Variants in SLC36A1 observed in about 807,000 individuals in gnomAD.
The protein encoded by SLC36A1 is proton-coupled amino acid transporter 1.
SLC36A1 carries 30 observed loss-of-function variants against 47.5 expected under a neutral mutation model. That is an observed-to-expected ratio of 0.63 (90% CI 0.47 to 0.86). SLC36A1 has a LOEUF of 0.86. SLC36A1 is among the 40% of genes least tolerant of loss of function. The probability of loss-of-function intolerance (pLI) is 0.00; values close to 1 mark genes in which losing one functional copy is unlikely to be tolerated. For synonymous variants in SLC36A1, 255 were observed against 249.7 expected (o/e 1.02, Z -0.20); for missense variants, 517 against 606.0 (o/e 0.85, Z 1.54).
chr5:151,512,631 T>G, the SLC36A1 span: 2 of 1,563,674 alleles, frequency 1.3e-6, no homozygotes, highest in Non-Finnish European at 1.7e-6. The surrounding 1 kb of genome is among the most constrained non-coding windows in gnomAD (Gnocchi z 4.1). Flanking sequence ...CAAACAGCCA[T>G]CAGCAAAGCC....
At chr5:151,521,789 C>T in the SLC36A1 span, 24 of 1,614,186 alleles carry the variant, frequency 1.5e-5, no homozygotes, top group Middle Eastern at 1.6e-4. Context: ...CTGACCGTGA[C>T]GTTGAACGAG....
chr5:151,352,140 A>C, the SLC36A1 span, among the ~76,000 whole-genome samples: 1 of 151,922 alleles, frequency 6.6e-6, no homozygotes, highest in Non-Finnish European at 1.5e-5. Context: ...TTAGGTCAAG[A>C]TTTTTCTGCT....
At chr5:151,467,352 T>A in intron 6 of SLC36A1, 69 bp downstream of exon 6, 9 of 1,117,234 alleles carry the variant, frequency 8.1e-6, no homozygotes, top group East Asian at 2.4e-5. Context: ...ATGATTGAAG[T>A]TTTTGTTTAG....
At position 151,491,519 on chromosome 5, in the gene SLC36A1, T is replaced by TC. The variant is rs3832373; in HGVS notation, c.*3265_*3266insC. On this transcript the variant is annotated 3_prime_UTR_variant, in exon 11 of 11. Transcript: ENST00000243389. ...TGTTTCTTCTCTCTCATCTTACTTTTTCTTCTCAGATTTCTCCCTTCCTAG... is the reference window on the plus strand; with the variant it reads ...TGTTTCTTCTCTCTCATCTTACTTTTCTCTTCTCAGATTTCTCCCTTCCTAG... The TC allele has an allele frequency of 0.51, 77,146 of 152,446 alleles. 22,237 individuals carry two copies. The highest frequency in any genetic ancestry group is 0.8 in the African/African-American group (33,306 of 41,458). The allele number at this position is 152,446 out of a possible 1,614,324, so 9.4% of individuals were successfully genotyped here. A position where few individuals can be genotyped will look rare whatever the true frequency, so the allele number is the denominator to read the frequency against.
chr5:151,553,184 G>T, the SLC36A1 span: 1 of 1,614,254 alleles, frequency 6.2e-7, no homozygotes, highest in Admixed American at 1.7e-5. Flanking sequence ...CACCTGAGAT[G>T]TTGAACCAGA....
chr5:151,387,836 A>G, the SLC36A1 span, among the ~76,000 whole-genome samples: 1 of 152,230 alleles, frequency 6.6e-6, no homozygotes, highest in Non-Finnish European at 1.5e-5. Flanking sequence ...TCTTGCGCAA[A>G]TTCCTATTTA....
the SLC36A1 span, among the ~76,000 whole-genome samples, chr5:151,535,024 C>T: frequency 8.9e-6 from 1 of 111,970 alleles, no homozygotes; most frequent in Non-Finnish European, 2.0e-5. Context: ...AAAAATCAAC[C>T]CAAAGATAAA....
At chr5:151,364,458 A>C in the SLC36A1 span, among the ~76,000 whole-genome samples, 1 of 152,230 alleles carries the variant, frequency 6.6e-6, no homozygotes, top group Non-Finnish European at 1.5e-5. Context: ...TGAGGGTTCC[A>C]GTTTCTCTAC....
chr5:151,462,553 C>T lies in SLC36A1; in HGVS notation c.144-1000C>T, dbSNP rs564697971. 7.9e-5 allele frequency among the ~76,000 whole-genome samples: 12 copies of T among 151,900 alleles called. 1 individual carries two copies. The East Asian group carries it at 1.8e-3, about 22-fold the overall frequency. On this transcript the variant is annotated intron_variant, in intron 2 of 10. Coordinates refer to ENST00000243389, the MANE Select transcript of SLC36A1 (RefSeq NM_078483.4). The stretch of plus-strand genomic sequence containing the variant: ...CTAATTTTTATATTTTTAGTAGAGA[C>T]GGGGTTTCACCATGTTGGCCAGGAT...
the SLC36A1 span, chr5:151,554,218 C>T: frequency 5.4e-6 from 4 of 736,372 alleles, no homozygotes; most frequent in Non-Finnish European, 8.7e-6. Flanking sequence ...GAAGCTGAGA[C>T]TCCCAGTTTC....
At chr5:151,503,452 G>A in the SLC36A1 span, among the ~76,000 whole-genome samples, 8 of 149,222 alleles carry the variant, frequency 5.4e-5, no homozygotes, top group African/African-American at 7.8e-5. Flanking sequence ...GTGCGACAGA[G>A]CTGGGCTTGG....
the SLC36A1 span, among the ~76,000 whole-genome samples, chr5:151,395,184 T>C: frequency 6.6e-6 from 1 of 152,220 alleles, no homozygotes; most frequent in African/African-American, 2.4e-5. Flanking sequence ...TGAGGCTCTG[T>C]GGGCGTGGGA....
upstream of SLC36A1, among the ~76,000 whole-genome samples, chr5:151,436,257 A>G (rs1363872298): frequency 6.6e-6 from 1 of 152,054 alleles, no homozygotes; most frequent in African/African-American, 2.4e-5. Context: ...TCCCTCACAT[A>G]CCCAATAACC....
chr5:151,351,069 C>T, the SLC36A1 span, among the ~76,000 whole-genome samples: 264 of 152,204 alleles, frequency 1.7e-3, no homozygotes, highest in African/African-American at 5.9e-3. Flanking sequence ...TTTAGGCAGG[C>T]GTGAGGATTA....
the SLC36A1 span, chr5:151,551,328 T>G: frequency 5.8e-6 from 5 of 859,034 alleles, no homozygotes; most frequent in Non-Finnish European, 9.1e-6. Context: ...GTAGAGAGTG[T>G]ATTAGACAAG....
Position 151,488,360 on chromosome 5 carries a change from G to A in SLC36A1, c.*106G>A. 1.4e-6 allele frequency: 2 copies of A among 1,414,134 alleles called. No homozygotes were observed. Among genetic ancestry groups the A allele is most frequent in the South Asian group, 2.8e-5 (2 of 71,060 alleles). 87.6% of individuals were successfully genotyped at this position (1,414,134 alleles called of 1,614,324 possible). ...CCAGGCTCTGAGGAAAGTCAGGGTT[G>A]CTGTGTGGGAACCCCTCTGCCTGGC... On this transcript the variant is annotated 3_prime_UTR_variant, in exon 11 of 11. Transcript: ENST00000243389.
the SLC36A1 span, among the ~76,000 whole-genome samples, chr5:151,498,195 T>G: frequency 0.033 from 4,954 of 152,170 alleles, 269 homozygotes; most frequent in African/African-American, 0.11. Context: ...TCCACCCACC[T>G]CGGCCTCCCA....
chr5:151,458,304 G>GTGTGTGTATATATATA lies in SLC36A1; in HGVS notation c.-5-483_-5-482insGTGTGTATATATATAT, dbSNP rs1175105944. ...TACGTGTATATATATACATACACGTGTATATACGTATATATATATATATAT... is the reference window on the plus strand; with the variant it reads ...TACGTGTATATATATACATACACGTGTGTGTGTATATATATATATATACGTATATATATATATATAT... On this transcript the variant is annotated intron_variant, in intron 1 of 10. Transcript: ENST00000243389. Among the ~76,000 whole-genome samples, 78 of 76,586 alleles carry GTGTGTGTATATATATA rather than the reference G, an allele frequency of 1.0e-3. 1 individual carries two copies. Among genetic ancestry groups the GTGTGTGTATATATATA allele is most frequent in the African/African-American group, 5.5e-3 (76 of 13,748 alleles). 50.2% of individuals were successfully genotyped at this position (76,586 alleles called of 152,430 possible).
chr5:151,527,541 G>A, the SLC36A1 span, among the ~76,000 whole-genome samples: 1 of 152,072 alleles, frequency 6.6e-6, no homozygotes, highest in Non-Finnish European at 1.5e-5. Flanking sequence ...TCTGGAGTCA[G>A]ACAGAAATAG....
Sources: gnomAD v4.1 joint callset for allele counts (sites outside exome capture counted in the v4.1 genomes callset) on GRCh38, gnomAD v4.1.1 for gene constraint, Gnocchi (gnomAD v3.1) non-coding constraint, MANE v1.5 for transcripts, NCBI Gene and HGNC (gene_info 2026-07-23, HGNC 2026-07-21) for gene names.